GTF2IRD2: variants seen among roughly 807,000 people sequenced by gnomAD.
GTF2IRD2 encodes general transcription factor II-I repeat domain-containing protein 2A.
Under a neutral mutation model 49.2 loss-of-function variants are expected in GTF2IRD2, and 8 were observed. That is an observed-to-expected ratio of 0.16 (90% confidence interval 0.10 to 0.29). The LOEUF (loss-of-function observed/expected upper bound fraction) is 0.29. Among genes scored for constraint, GTF2IRD2 ranks in the 10% least tolerant of loss-of-function variants. The pLI is 1.00. For missense variants in GTF2IRD2, 130 were observed against 725.7 expected, an observed-to-expected ratio of 0.18 and a Z score of 9.43; for synonymous variants, 47 against 289.7, an observed-to-expected ratio of 0.16 and a Z score of 8.51.
At chr7:74,841,900 C>G (rs587641550) in intron 1 of GTF2IRD2, among the ~76,000 whole-genome samples, 1 of 139,478 alleles carries the variant, frequency 7.2e-6, no homozygotes, top group Non-Finnish European at 1.5e-5. Flanking sequence ...CCGAGGCGGA[C>G]GGATCACGAG....
At chr7:74,829,600 G>A (rs868977400) in intron 3 of GTF2IRD2, among the ~76,000 whole-genome samples, 1 of 148,794 alleles carries the variant, frequency 6.7e-6, no homozygotes, top group Non-Finnish European at 1.5e-5. Flanking sequence ...ATTCACATGG[G>A]GCTGGGCGCG....
At chr7:74,842,342 GC>G (rs1257996932) in intron 1 of GTF2IRD2, among the ~76,000 whole-genome samples, 1 of 131,150 alleles carries the variant, frequency 7.6e-6, no homozygotes, top group African/African-American at 3.1e-5. Context: ...CGATTCTCCT[GC>G]CTCAGCCTCC....
At chr7:74,834,781 T>C (rs1800155591) in intron 2 of GTF2IRD2, among the ~76,000 whole-genome samples, 1 of 108,082 alleles carries the variant, frequency 9.3e-6, no homozygotes, top group Admixed American at 8.9e-5. Flanking sequence ...TCATGATAGC[T>C]TACTGCAGAC....
At chr7:74,822,169 C>T in intron 6 of GTF2IRD2, 2 of 359,778 alleles carry the variant, frequency 5.6e-6, no homozygotes, top group Non-Finnish European at 1.1e-5. Context: ...GCCTCAGACA[C>T]CCGAGTAGCT....
At chr7:74,825,737 G>A (rs1799317044) in intron 3 of GTF2IRD2, among the ~76,000 whole-genome samples, 1 of 151,368 alleles carries the variant, frequency 6.6e-6, no homozygotes, top group Non-Finnish European at 1.5e-5. Context: ...TTTGAACACA[G>A]AAAGGTTTTT....
intron 3 of GTF2IRD2, among the ~76,000 whole-genome samples, chr7:74,829,812 G>A (rs1359714978): frequency 2.0e-5 from 3 of 148,628 alleles, no homozygotes; most frequent in East Asian, 2.0e-4. Context: ...GGCTTGAACC[G>A]AGGAGGCAGA....
chr7:74,845,642 T>C (rs1193184289), intron 1 of GTF2IRD2, among the ~76,000 whole-genome samples: 1 of 152,116 alleles, frequency 6.6e-6, no homozygotes, highest in Non-Finnish European at 1.5e-5. Context: ...TAACAACAAA[T>C]GGAGGCAGGA....
intron 3 of GTF2IRD2, among the ~76,000 whole-genome samples, chr7:74,827,276 GTAC>G (rs1282721654): frequency 2.7e-5 from 4 of 146,884 alleles, no homozygotes; most frequent in African/African-American, 1.0e-4. Context: ...CATAGAGCTT[GTAC>G]TAATTTACAC....
Position 74,797,318 on chromosome 7 carries a change from A to C in GTF2IRD2, c.2194T>G (p.Ser732Ala). 1.1e-6 allele frequency: 1 copy of C among 878,890 alleles called. No individual in the cohort carries two copies. The highest frequency in any genetic ancestry group is 1.9e-6 in the Non-Finnish European group (1 of 526,166). The allele number at this position is 878,890 out of a possible 1,614,324, so 54.4% of individuals were successfully genotyped here. ...RFFESLEEID[S>A]FMSSRGKPLP... ...GGTTTCCCTCTGGATGACATGAAGG[A>C]GTCGATTTCTTCCAAGGATTCGAAA... Residue 732 changes from serine to alanine, a missense_variant, in exon 16 of 16, where the codon TCC (serine) becomes GCC (alanine). Coordinates refer to ENST00000451013, the MANE Select transcript of GTF2IRD2 (RefSeq NM_173537.5).
In GTF2IRD2 at chr7:74,797,722, G is replaced by A. The variant is rs2257861; in HGVS notation, c.1790C>T (p.Ser597Leu). 14 of 1,600,332 alleles carry A rather than the reference G, an allele frequency of 8.7e-6. No individual in the cohort carries two copies. Among genetic ancestry groups the A allele is most frequent in the African/African-American group, 8.3e-5 (6 of 72,178 alleles). Residue 597 changes from serine to leucine, a missense_variant, in exon 16 of 16, where the codon TCG (serine) becomes TTG (leucine). Coordinates refer to ENST00000451013, the MANE Select transcript of GTF2IRD2 (RefSeq NM_173537.5). The stretch of plus-strand genomic sequence containing the variant: ...GTTTTTCAGGCTTTTCTCAACACGC[G>A]AAAAGATCTCGTTGCCAGATTTTGT... ...TGTKSGNEIF[S>L]RVEKSLKNFC...
chr7:74,828,710 T>C (rs1799602084), intron 3 of GTF2IRD2, among the ~76,000 whole-genome samples: 1 of 64,242 alleles, frequency 1.6e-5, no homozygotes. Context: ...AAAGATGCCC[T>C]CTCTCCCCAC....
intron 3 of GTF2IRD2, among the ~76,000 whole-genome samples, chr7:74,829,895 A>C (rs1554420200): frequency 2.8e-4 from 10 of 35,238 alleles, no homozygotes; most frequent in Middle Eastern, 0.014. Context: ...CTCAAAAAAA[A>C]AAAAAAATTC....
At chr7:74,841,095 C>T (rs1459225426) in intron 1 of GTF2IRD2, among the ~76,000 whole-genome samples, 1 of 140,294 alleles carries the variant, frequency 7.1e-6, no homozygotes, top group African/African-American at 2.9e-5. Context: ...TTGATCCACA[C>T]GCCTCAGCCT....
chr7:74,821,980 G>C (rs1584393819), intron 6 of GTF2IRD2: 2 of 279,468 alleles, frequency 7.2e-6, no homozygotes, highest in Non-Finnish European at 1.4e-5. Context: ...AGGCACATGT[G>C]TGCCACAATG....
intron 3 of GTF2IRD2, among the ~76,000 whole-genome samples, chr7:74,831,408 C>T (rs1554420365): frequency 6.7e-6 from 1 of 148,856 alleles, no homozygotes. Context: ...ATCTATCTAC[C>T]TATCTATCTA....
intron 3 of GTF2IRD2, among the ~76,000 whole-genome samples, chr7:74,825,832 G>A (rs185356758): frequency 0.015 from 1,998 of 133,142 alleles, no homozygotes; most frequent in African/African-American, 0.044. Context: ...ACAGAGTCTC[G>A]CTGTGTCACC....
At chr7:74,841,508 C>A (rs1423037332) in intron 1 of GTF2IRD2, among the ~76,000 whole-genome samples, 1 of 133,876 alleles carries the variant, frequency 7.5e-6, no homozygotes, top group Non-Finnish European at 1.5e-5. Flanking sequence ...CACAATGTCA[C>A]CCAGGCTGGA....
intron 3 of GTF2IRD2, among the ~76,000 whole-genome samples, chr7:74,827,052 C>T (rs1464165124): frequency 4.0e-5 from 6 of 151,178 alleles, no homozygotes; most frequent in Admixed American, 6.6e-5. Flanking sequence ...CCATAGTGTA[C>T]GTACCACATT....
At chr7:74,826,893 G>A (rs1799447953) in intron 3 of GTF2IRD2, among the ~76,000 whole-genome samples, 1 of 150,430 alleles carries the variant, frequency 6.6e-6, no homozygotes, top group Non-Finnish European at 1.5e-5. Flanking sequence ...TATAATTTTA[G>A]TAGAGACGAG....
Sources: allele counts gnomAD v4.1 joint callset (sites outside exome capture counted in the v4.1 genomes callset), GRCh38; gene constraint gnomAD v4.1.1; transcripts MANE v1.5; gene names NCBI Gene and HGNC (gene_info 2026-07-23, HGNC 2026-07-21).